The following INSYN2A variants were observed in gnomAD, a reference collection of about 807,000 sequenced individuals.
INSYN2A encodes the protein family with sequence similarity 196 member A.
Under a neutral mutation model 39.4 loss-of-function variants are expected in INSYN2A, and 17 were observed. The ratio of observed to expected loss-of-function variants is 0.43; its 90% CI spans 0.30 to 0.65. The LOEUF is 0.65. Ranked by LOEUF, INSYN2A falls within the 30% of genes least tolerant of loss-of-function variation. The pLI, the probability that INSYN2A is intolerant of heterozygous loss-of-function variation, is 0.14. For synonymous variants in INSYN2A, 255 were observed against 265.7 expected, an observed-to-expected ratio of 0.96 and a Z score of 0.39; for missense variants, 595 against 631.2, an observed-to-expected ratio of 0.94 and a Z score of 0.61.
At position 127,174,167 on chromosome 10, in the gene INSYN2A, C is replaced by T. The variant is rs564080041; in HGVS notation, c.1184+1045G>A. Among the ~76,000 whole-genome samples the T allele has an allele frequency of 2.6e-5, 4 of 152,354 alleles. No homozygotes were observed. In the East Asian group the frequency reaches 7.7e-4, roughly 29 times the overall value. On this transcript the variant is annotated intron_variant, in intron 4 of 5. Transcript: ENST00000522781. ...AATACATTACTTGGCTTATTTCAGG[C>T]TGGCTTCTAGCTTGCTAAACCCAGG...
chr10:127,195,395 C>G (rs768256672), intron 1 of INSYN2A, among the ~76,000 whole-genome samples: 16 of 152,204 alleles, frequency 1.1e-4, no homozygotes, highest in Non-Finnish European at 2.2e-4. Context: ...CCGACCCCAA[C>G]CCGCAGCCCC....
At chr10:127,194,570 A>G (rs1411514212) in intron 1 of INSYN2A, among the ~76,000 whole-genome samples, 3 of 152,218 alleles carry the variant, frequency 2.0e-5, no homozygotes, top group Non-Finnish European at 4.4e-5. Flanking sequence ...AATAAGGGTT[A>G]TATCATTTTC....
At chr10:127,147,244 G>A (rs923123505) in intron 5 of INSYN2A, among the ~76,000 whole-genome samples, 1 of 152,124 alleles carries the variant, frequency 6.6e-6, no homozygotes, top group Admixed American at 6.5e-5. Context: ...CCTGTCTAAG[G>A]GGGAGTGTTC....
In INSYN2A at chr10:127,190,345, A is replaced by C. The variant is rs537362728; in HGVS notation, c.-269+2260T>G. On this transcript the variant is annotated intron_variant, in intron 2 of 5. Coordinates refer to ENST00000522781, the MANE Select transcript of INSYN2A (RefSeq NM_001039762.3). ...ACTGCCTTCTCACGGTGTTTCCTTT[A>C]ATTCCTGCTACACAAAAAGTTACAA... Among the ~76,000 whole-genome samples the C allele has an allele frequency of 2.0e-5, 3 of 152,290 alleles. No homozygotes were observed. In the South Asian group the frequency reaches 6.2e-4, roughly 32 times the overall value.
chr10:127,165,416 T>TTATG (rs1440700483), intron 4 of INSYN2A, among the ~76,000 whole-genome samples: 1 of 152,202 alleles, frequency 6.6e-6, no homozygotes, highest in Non-Finnish European at 1.5e-5. Context: ...TGATGTCCAG[T>TTATG]TATGAGACTT....
chr10:127,178,100 GAC>G (rs1026116655), intron 2 of INSYN2A, among the ~76,000 whole-genome samples: 1 of 152,096 alleles, frequency 6.6e-6, no homozygotes, highest in Admixed American at 6.6e-5. Flanking sequence ...GGGAAGAAGA[GAC>G]AACTTCACAG....
intron 4 of INSYN2A, among the ~76,000 whole-genome samples, chr10:127,164,992 T>A (rs2053951143): frequency 6.6e-6 from 1 of 152,226 alleles, no homozygotes; most frequent in Non-Finnish European, 1.5e-5. Flanking sequence ...AAGCTTAAGC[T>A]ATAATTTATT....
chr10:127,179,805 C>T (rs61874032), intron 2 of INSYN2A, among the ~76,000 whole-genome samples: 2,108 of 152,322 alleles, frequency 0.014, 14 homozygotes, highest in Middle Eastern at 0.02. Context: ...AATGTACATA[C>T]GTTACAGTGT....
At chr10:127,168,214 C>T (rs547093039) in intron 4 of INSYN2A, among the ~76,000 whole-genome samples, 2 of 152,156 alleles carry the variant, frequency 1.3e-5, no homozygotes, top group African/African-American at 2.4e-5. Flanking sequence ...AATGGAAGAA[C>T]CAAGTGCATG....
chr10:127,190,771 A>G (rs551325598), intron 2 of INSYN2A, among the ~76,000 whole-genome samples: 3 of 142,596 alleles, frequency 2.1e-5, no homozygotes, highest in African/African-American at 7.9e-5. Flanking sequence ...CCTTCTTTCT[A>G]TCTTGCCACA....
Position 127,152,788 on chromosome 10 carries a change from G to T in INSYN2A, c.1256+1064C>A, listed in dbSNP as rs1182994968. Among the ~76,000 whole-genome samples the T allele has an allele frequency of 1.6e-4, 24 of 152,292 alleles. 1 individual carries two copies. The highest frequency in any genetic ancestry group is 7.4e-5 in the Non-Finnish European group (5 of 68,026). On this transcript the variant is annotated intron_variant, in intron 5 of 5. Coordinates refer to ENST00000522781, the MANE Select transcript of INSYN2A (RefSeq NM_001039762.3). ...TAAGGAATGTGCTGATGTGGCCTTC[G>T]GTGCCTATCTCTACCTGTGGTTTCT...
intron 4 of INSYN2A, among the ~76,000 whole-genome samples, chr10:127,166,158 C>T (rs759349607): frequency 2.6e-5 from 4 of 152,300 alleles, no homozygotes; most frequent in East Asian, 3.9e-4. Flanking sequence ...CTCTGCCTCC[C>T]GGGCTCACTC....
In INSYN2A at chr10:127,176,126, C is replaced by T; in HGVS notation, c.270G>A (p.Val90=). Residue 90 remains valine (V), a synonymous_variant, in exon 4 of 6, where the codon GTG becomes GTA. Transcript: ENST00000522781. This position sits in a 1 kb window ranked among gnomAD's most constrained non-coding sequence, Gnocchi z 4.4. ...CRAAYRKYMT[V]PARRSIPNVT... ...CGTTGGGGATGGACCTGCGTGCGGG[C>T]ACTGTCATGTATTTGCGGTAGGCTG... 1 of 1,614,106 alleles carries T rather than the reference C, an allele frequency of 6.2e-7. No individual in the cohort carries two copies. Among genetic ancestry groups the T allele is most frequent in the Non-Finnish European group, 8.5e-7 (1 of 1,180,024 alleles).
intron 4 of INSYN2A, 127 bp from the exon 5 acceptor site, chr10:127,154,050 C>T (rs912429419): frequency 2.2e-5 from 15 of 677,938 alleles, no homozygotes; most frequent in Non-Finnish European, 3.7e-5. Context: ...TTGATTAATG[C>T]ATGCTTCCCA....
At chr10:127,188,421 A>G (rs567204114) in intron 2 of INSYN2A, among the ~76,000 whole-genome samples, 1 of 152,272 alleles carries the variant, frequency 6.6e-6, no homozygotes, top group African/African-American at 2.4e-5. Flanking sequence ...GACGCAAAAC[A>G]TTTAGAATTC....
chr10:127,193,090 T>C (rs979686156), intron 1 of INSYN2A, among the ~76,000 whole-genome samples: 9 of 152,180 alleles, frequency 5.9e-5, no homozygotes, highest in Admixed American at 3.9e-4. Context: ...CATAATGTTA[T>C]GAAATATTAA....
rs547642648 is a variant in INSYN2A at position 127,175,554 on chromosome 10, A to G, written c.842T>C (p.Leu281Pro). ...SDSAAASQWSLCPADDERRRA... is the reference protein window; with the variant it reads ...SDSAAASQWSPCPADDERRRA... ...CCTCCGCTCGTCATCTGCCGGGCAGAGTGACCACTGGCTGGCGGCTGCAGA... is the reference window on the plus strand; with the variant it reads ...CCTCCGCTCGTCATCTGCCGGGCAGGGTGACCACTGGCTGGCGGCTGCAGA... Residue 281 changes from leucine to proline, a missense_variant, in exon 4 of 6, where the codon CTC becomes CCC. Around this residue, in one of 2 missense-constraint regions of INSYN2A, gnomAD observed 478 missense variants for 467.4 expected, o/e 1.02. Coordinates refer to ENST00000522781, the MANE Select transcript of INSYN2A (RefSeq NM_001039762.3). This position sits in a 1 kb window ranked among gnomAD's most constrained non-coding sequence, Gnocchi z 6.3. The G allele has an allele frequency of 4.3e-6, 7 of 1,611,804 alleles. No individual in the cohort carries two copies. Among genetic ancestry groups the G allele is most frequent in the Non-Finnish European group, 5.9e-6 (7 of 1,179,988 alleles).
intron 2 of INSYN2A, among the ~76,000 whole-genome samples, chr10:127,182,397 G>C (rs1358414899): frequency 6.6e-6 from 1 of 152,088 alleles, no homozygotes; most frequent in Non-Finnish European, 1.5e-5. Flanking sequence ...AACAAAGGAG[G>C]GCAAGCATGC....
At chr10:127,189,250 T>C (rs184585864) in intron 2 of INSYN2A, among the ~76,000 whole-genome samples, 20 of 152,368 alleles carry the variant, frequency 1.3e-4, no homozygotes, top group African/African-American at 4.8e-4. Context: ...TCACTGACTC[T>C]TCAGATACAG....
Sources: allele counts gnomAD v4.1 joint callset (sites outside exome capture counted in the v4.1 genomes callset), GRCh38; gene constraint gnomAD v4.1.1; regional missense constraint gnomAD v4.1.1; non-coding constraint Gnocchi (gnomAD v3.1); transcripts MANE v1.5; gene names NCBI Gene and HGNC (gene_info 2026-07-23, HGNC 2026-07-21).